RALYL: variants seen among roughly 807,000 people sequenced by gnomAD.
The protein encoded by RALYL is RNA-binding Raly-like protein.
RALYL carries 29 observed loss-of-function variants against 35.1 expected under a neutral mutation model. The observed-to-expected ratio is 0.83, with a 90% CI of 0.61 to 1.13. The LOEUF (loss-of-function observed/expected upper bound fraction) is 1.13. Ranked by LOEUF, RALYL falls within the 50% of genes most tolerant of loss-of-function variation. The pLI is 0.00. For synonymous variants in RALYL, 120 were observed against 127.6 expected, an observed-to-expected ratio of 0.94 and a Z score of 0.40; for missense variants, 359 against 360.4, an observed-to-expected ratio of 1.00 and a Z score of 0.03.
intron 1 of RALYL, among the ~76,000 whole-genome samples, chr8:84,509,518 T>G (rs995640185): frequency 2.0e-5 from 3 of 152,134 alleles, no homozygotes; most frequent in Non-Finnish European, 4.4e-5. Flanking sequence ...GTTTTTAAAT[T>G]TAATAAAACT....
At chr8:84,586,941 C>T (rs1296633677) in intron 2 of RALYL, among the ~76,000 whole-genome samples, 1 of 152,076 alleles carries the variant, frequency 6.6e-6, no homozygotes, top group African/African-American at 2.4e-5. Flanking sequence ...GGTCAAAGAG[C>T]AACATGGGTG....
At chr8:84,731,714 CA>C (rs561116217) in intron 2 of RALYL, among the ~76,000 whole-genome samples, 91 of 152,090 alleles carry the variant, frequency 6.0e-4, no homozygotes, top group African/African-American at 2.2e-3. Flanking sequence ...TTTTAAAATC[CA>C]AACCTAGTCT....
chr8:84,319,657 T>C (rs1844428393), intron 1 of RALYL, among the ~76,000 whole-genome samples: 1 of 152,118 alleles, frequency 6.6e-6, no homozygotes, highest in South Asian at 2.1e-4. Flanking sequence ...TTAAAAAGTC[T>C]TAATATTTGC....
chr8:84,453,552 A>G (rs1438285600), intron 1 of RALYL, among the ~76,000 whole-genome samples: 1 of 152,006 alleles, frequency 6.6e-6, no homozygotes, highest in Non-Finnish European at 1.5e-5. Flanking sequence ...AACACATATA[A>G]TTTACAAACA....
At chr8:84,525,402 GCTCT>G (rs2058805299) in intron 1 of RALYL, among the ~76,000 whole-genome samples, 3 of 151,950 alleles carry the variant, frequency 2.0e-5, no homozygotes, top group Non-Finnish European at 4.4e-5. Flanking sequence ...ATGCCTGACA[GCTCT>G]CTATTTTTTC....
intron 6 of RALYL, among the ~76,000 whole-genome samples, chr8:84,863,203 G>A (rs1586832604): frequency 6.6e-6 from 1 of 152,192 alleles, no homozygotes; most frequent in Non-Finnish European, 1.5e-5. Context: ...CATAGAGAAA[G>A]TTGAGAACAC....
intron 2 of RALYL, among the ~76,000 whole-genome samples, chr8:84,599,301 T>C (rs1815346547): frequency 6.6e-6 from 1 of 152,034 alleles, no homozygotes; most frequent in Non-Finnish European, 1.5e-5. Flanking sequence ...TAATATTAGC[T>C]AGAAGAAAAT....
chr8:84,348,685 A>C (rs1279971758), intron 1 of RALYL, among the ~76,000 whole-genome samples: 2 of 152,158 alleles, frequency 1.3e-5, no homozygotes, highest in Non-Finnish European at 2.9e-5. Context: ...CTCAAAAGGT[A>C]TTCAATTTAA....
intron 2 of RALYL, among the ~76,000 whole-genome samples, chr8:84,648,617 A>G (rs1828009421): frequency 6.6e-6 from 1 of 152,048 alleles, no homozygotes; most frequent in South Asian, 2.1e-4. Flanking sequence ...TATGCATGGA[A>G]TAAATCATTA....
intron 8 of RALYL, among the ~76,000 whole-genome samples, chr8:84,901,531 G>A (rs1182847569): frequency 2.0e-5 from 3 of 152,274 alleles, no homozygotes; most frequent in Middle Eastern, 3.4e-3. Context: ...CTGCAATAGG[G>A]AGAATGCTTT....
At chr8:84,598,846 G>C (rs1008290558) in intron 2 of RALYL, among the ~76,000 whole-genome samples, 68 of 152,102 alleles carry the variant, frequency 4.5e-4, no homozygotes, top group African/African-American at 1.6e-3. Flanking sequence ...TATCCAGCTG[G>C]ATCATATGGT....
At chr8:84,789,904 A>C (rs1820396470) in intron 3 of RALYL, among the ~76,000 whole-genome samples, 1 of 152,224 alleles carries the variant, frequency 6.6e-6, no homozygotes, top group African/African-American at 2.4e-5. Flanking sequence ...GAAAAGTTGC[A>C]ATATTTGGCA....
intron 1 of RALYL, among the ~76,000 whole-genome samples, chr8:84,366,763 CAAAA>C (rs1166208925): frequency 3.5e-5 from 2 of 56,658 alleles, no homozygotes; most frequent in African/African-American, 5.0e-5. Flanking sequence ...ATTTTTGTCT[CAAAA>C]AAAAAAAAAA....
At chr8:84,274,540 G>C (rs1378672186) in intron 1 of RALYL, among the ~76,000 whole-genome samples, 1 of 151,982 alleles carries the variant, frequency 6.6e-6, no homozygotes, top group Non-Finnish European at 1.5e-5. Flanking sequence ...ACAAATTTTT[G>C]CGCCTGAGTC....
chr8:84,476,987 T>C (rs932261619), intron 1 of RALYL, among the ~76,000 whole-genome samples: 3 of 152,108 alleles, frequency 2.0e-5, no homozygotes, highest in African/African-American at 4.8e-5. Context: ...GAAATAATAA[T>C]ATGGAATAAA....
At chr8:84,817,180 C>T (rs1351773938) in intron 4 of RALYL, among the ~76,000 whole-genome samples, 14 of 152,060 alleles carry the variant, frequency 9.2e-5, no homozygotes, top group Non-Finnish European at 1.5e-5. Flanking sequence ...CTGTAGTTCA[C>T]GAACCCATTT....
At chr8:84,598,660 T>C (rs1420536485) in intron 2 of RALYL, among the ~76,000 whole-genome samples, 1 of 152,122 alleles carries the variant, frequency 6.6e-6, no homozygotes, top group East Asian at 1.9e-4. Flanking sequence ...AACAATAGTC[T>C]TTTAGGTTTA....
chr8:84,727,355 T>G (rs900018694), intron 2 of RALYL, among the ~76,000 whole-genome samples: 3 of 152,116 alleles, frequency 2.0e-5, no homozygotes, highest in Non-Finnish European at 4.4e-5. Context: ...CCTGAAGGTA[T>G]GCAACGATTT....
intron 1 of RALYL, among the ~76,000 whole-genome samples, chr8:84,413,498 C>G (rs1267457690): frequency 6.6e-6 from 1 of 151,822 alleles, no homozygotes; most frequent in African/African-American, 2.4e-5. Flanking sequence ...TTGGGATGAG[C>G]TGTGTAACTT....
Sources: allele counts gnomAD v4.1 joint callset (sites outside exome capture counted in the v4.1 genomes callset), GRCh38; gene constraint gnomAD v4.1.1; transcripts MANE v1.5; gene names NCBI Gene and HGNC (gene_info 2026-07-23, HGNC 2026-07-21).